The following CCDC201 variants were observed in gnomAD, a reference collection of about 807,000 sequenced individuals.
The protein encoded by CCDC201 is coiled-coil domain containing 201, also known as coiled-coil domain-containing protein 201.
intron 1 of CCDC201, among the ~76,000 whole-genome samples, chr7:45,870,686 G>A (rs1786733826): frequency 6.6e-6 from 1 of 151,368 alleles, no homozygotes; most frequent in African/African-American, 2.4e-5. Context: ...GAACTCCTAG[G>A]AAAAAAATAC....
At chr7:45,881,919 T>C in the CCDC201 span, among the ~76,000 whole-genome samples, 1 of 152,124 alleles carries the variant, frequency 6.6e-6, no homozygotes, top group Admixed American at 6.5e-5. Flanking sequence ...GGGCGAGAGC[T>C]ATTTTTTCAA....
chr7:45,871,035 G>A (rs931323693), intron 1 of CCDC201, among the ~76,000 whole-genome samples: 1 of 152,112 alleles, frequency 6.6e-6, no homozygotes, highest in Non-Finnish European at 1.5e-5. Flanking sequence ...ATTTATAAAA[G>A]TGATCTAAAA....
chr7:45,884,349 G>A, the CCDC201 span, among the ~76,000 whole-genome samples: 4 of 152,080 alleles, frequency 2.6e-5, no homozygotes, highest in South Asian at 2.1e-4. Context: ...ATTCTCCCAC[G>A]TCAGCCTCTC....
At chr7:45,878,798 T>C in the CCDC201 span, among the ~76,000 whole-genome samples, 1 of 152,262 alleles carries the variant, frequency 6.6e-6, no homozygotes, top group Non-Finnish European at 1.5e-5. Context: ...TCACCTTTAC[T>C]TATGCAAATT....
At chr7:45,861,493 G>A (rs1006256445) in exon 3 of CCDC201, 1 of 152,144 alleles carries the variant, frequency 6.6e-6, no homozygotes, top group Non-Finnish European at 1.5e-5. Context: ...TGAAGTTACT[G>A]TCTAACTGCA....
intron 2 of CCDC201, among the ~76,000 whole-genome samples, chr7:45,864,323 T>TGGGTTGTTCCCCAC (rs1187417685): frequency 6.6e-6 from 1 of 152,092 alleles, no homozygotes; most frequent in Non-Finnish European, 1.5e-5. Flanking sequence ...GCGTTCCACA[T>TGGGTTGTTCCCCAC]GGGTTGTTCC....
chr7:45,875,232 C>A (rs559858219), upstream of CCDC201, among the ~76,000 whole-genome samples: 2 of 152,092 alleles, frequency 1.3e-5, no homozygotes, highest in African/African-American at 4.8e-5. Flanking sequence ...CAGTGGCTCA[C>A]GCCTGTAATC....
upstream of CCDC201, chr7:45,873,131 C>T (rs75835685): frequency 0.16 from 23,776 of 152,256 alleles, 2,172 homozygotes; most frequent in East Asian, 0.27. Context: ...GGAGCCCACC[C>T]GAGCCAGAGT....
intron 1 of CCDC201, among the ~76,000 whole-genome samples, chr7:45,867,891 G>A (rs1786696668): frequency 6.6e-6 from 1 of 152,230 alleles, no homozygotes; most frequent in Non-Finnish European, 1.5e-5. Context: ...AAGTAATAGA[G>A]AGCTAAGTTT....
At chr7:45,873,466 C>T (rs1490999258), upstream of CCDC201, among the ~76,000 whole-genome samples, 1 of 151,906 alleles carries the variant, frequency 6.6e-6, no homozygotes, top group Non-Finnish European at 1.5e-5. Flanking sequence ...CTGCAGAAGA[C>T]TCCTTACCAG....
At chr7:45,861,278 GCTT>G (rs1459583381) in exon 3 of CCDC201, 3 of 152,006 alleles carry the variant, frequency 2.0e-5, no homozygotes, top group Non-Finnish European at 4.4e-5. Context: ...GTTTTTTTCT[GCTT>G]CTTTGTACTC....
exon 2 of CCDC201, chr7:45,866,054 C>T (rs114917709): frequency 0.013 from 2,049 of 159,658 alleles, 43 homozygotes; most frequent in African/African-American, 0.044. Context: ...CCCGCTTCTT[C>T]GGGTCTCGTC....
At chr7:45,883,431 G>A in the CCDC201 span, among the ~76,000 whole-genome samples, 1 of 152,190 alleles carries the variant, frequency 6.6e-6, no homozygotes, top group Admixed American at 6.5e-5. Flanking sequence ...TTTATGGTGG[G>A]TCCCCAGGGA....
chr7:45,866,223 T>A (rs1264801365), exon 2 of CCDC201: 1 of 163,830 alleles, frequency 6.1e-6, no homozygotes, highest in African/African-American at 2.4e-5. Flanking sequence ...AGCTGAGAGA[T>A]CCAAGCTGGA....
exon 2 of CCDC201, chr7:45,866,070 C>A: frequency 6.1e-6 from 1 of 163,360 alleles, no homozygotes; most frequent in Non-Finnish European, 1.4e-5. Context: ...TCGTCTCTTC[C>A]TCCCTGTTGT....
intron 1 of CCDC201, among the ~76,000 whole-genome samples, chr7:45,871,548 C>CT (rs762376799): frequency 2.6e-5 from 4 of 152,102 alleles, no homozygotes; most frequent in Non-Finnish European, 5.9e-5. Context: ...TTTGCTATGA[C>CT]TTACAACATA....
exon 3 of CCDC201, chr7:45,860,635 A>G (rs1786587449): frequency 6.6e-6 from 1 of 152,124 alleles, no homozygotes; most frequent in South Asian, 2.1e-4. Flanking sequence ...GGCAGCACTC[A>G]TTTCTCCGTG....
intron 1 of CCDC201, among the ~76,000 whole-genome samples, chr7:45,870,774 G>T (rs995916354): frequency 6.6e-6 from 1 of 152,028 alleles, no homozygotes; most frequent in Non-Finnish European, 1.5e-5. Flanking sequence ...CGGGCGGGTG[G>T]AGGAACAAAC....
At chr7:45,879,948 T>C in the CCDC201 span, among the ~76,000 whole-genome samples, 3 of 152,054 alleles carry the variant, frequency 2.0e-5, no homozygotes, top group South Asian at 2.1e-4. Flanking sequence ...TAGCCAGGCA[T>C]GGTGGTGGGT....
Sources: allele counts gnomAD v4.1 joint callset (sites outside exome capture counted in the v4.1 genomes callset), GRCh38; gene constraint gnomAD v4.1.1; transcripts MANE v1.5; gene names NCBI Gene and HGNC (gene_info 2026-07-23, HGNC 2026-07-21).